Variants in FHIT observed in about 807,000 individuals in gnomAD.
The protein encoded by FHIT is fragile histidine triad diadenosine triphosphatase, also known as bis(5'-adenosyl)-triphosphatase.
Under a neutral mutation model 17.9 loss-of-function variants are expected in FHIT, and 19 were observed. The observed-to-expected ratio is 1.06, with a 90% CI of 0.74 to 1.56. The LOEUF (loss-of-function observed/expected upper bound fraction) is 1.56, where lower values mean the gene tolerates loss of function less well. Ranked by LOEUF, FHIT falls within the 40% of genes most tolerant of loss-of-function variation. The pLI is 0.00. For synonymous variants in FHIT, 81 were observed against 69.7 expected (o/e 1.16, Z -0.81); for missense variants, 248 against 189.2 (o/e 1.31, Z -1.82).
rs71627536 is a variant in FHIT at position 60,387,023 on chromosome 3, CTTT to C, written c.103+149834_103+149836del. On this transcript the variant is annotated intron_variant, in intron 5 of 9. Transcript: ENST00000492590. ...TTTGCCTAAGGAAATTCTATTTATT[CTTT>C]TTTTTTTTTGGAGTGCAACAGCGCT... 8.0e-4 allele frequency among the ~76,000 whole-genome samples: 109 copies of C among 136,416 alleles called. 1 individual carries two copies. Among genetic ancestry groups the C allele is most frequent in the Non-Finnish European group, 1.3e-3 (84 of 63,766 alleles). The allele number at this position is 136,416 out of a possible 152,430, so 89.5% of individuals were successfully genotyped here.
chr3:60,839,988 A>G (rs2736755), intron 3 of FHIT, among the ~76,000 whole-genome samples: 43,052 of 151,748 alleles, frequency 0.28, 6,510 homozygotes, highest in Middle Eastern at 0.37. Flanking sequence ...GCTGCCTCTC[A>G]GAGGGGACTT....
intron 2 of FHIT, among the ~76,000 whole-genome samples, chr3:61,117,344 G>A (rs9861349): frequency 0.25 from 37,585 of 151,968 alleles, 4,874 homozygotes; most frequent in African/African-American, 0.33. Flanking sequence ...AATAGAAAAT[G>A]GGGCATATTC....
intron 8 of FHIT, among the ~76,000 whole-genome samples, chr3:59,792,390 T>C (rs1699602256): frequency 1.3e-5 from 2 of 152,180 alleles, no homozygotes; most frequent in Admixed American, 1.3e-4. Context: ...CCAATCTATT[T>C]GGAAGGTGAG....
intron 3 of FHIT, among the ~76,000 whole-genome samples, chr3:60,916,087 T>A (rs1469500620): frequency 6.6e-6 from 1 of 152,186 alleles, no homozygotes; most frequent in Non-Finnish European, 1.5e-5. Flanking sequence ...AGACCCATTT[T>A]TGTGATGGTC....
intron 8 of FHIT, among the ~76,000 whole-genome samples, chr3:59,850,345 A>G (rs1701884552): frequency 6.6e-6 from 1 of 152,194 alleles, no homozygotes; most frequent in East Asian, 1.9e-4. Flanking sequence ...TTGCAGCTGC[A>G]TAAGTACTAT....
At chr3:61,209,740 C>A (rs1176792862) in intron 1 of FHIT, among the ~76,000 whole-genome samples, 15 of 152,090 alleles carry the variant, frequency 9.9e-5, no homozygotes, top group Non-Finnish European at 2.9e-5. Flanking sequence ...TTTTTAACTT[C>A]TTTGCCATTG....
rs540650690 is a variant in FHIT at position 60,631,003 on chromosome 3, T to C, written c.-17-94024A>G. ...AAAACACTCTCAATCTTTGCCCTCT[T>C]GGTATCAGCTTTGAGACACCTGGCC... On this transcript the variant is annotated intron_variant, in intron 4 of 9. Transcript: ENST00000492590. Among the ~76,000 whole-genome samples, 6 of 151,252 alleles carry C rather than the reference T, an allele frequency of 4.0e-5. No homozygotes were observed. In the East Asian group the frequency reaches 1.2e-3, roughly 30 times the overall value.
At chr3:61,183,199 C>T (rs1262517816) in intron 2 of FHIT, among the ~76,000 whole-genome samples, 1 of 152,184 alleles carries the variant, frequency 6.6e-6, no homozygotes, top group Non-Finnish European at 1.5e-5. Flanking sequence ...TCCTTCTCTC[C>T]AATCAGATTC....
intron 4 of FHIT, among the ~76,000 whole-genome samples, chr3:60,573,067 C>T (rs1553656276): frequency 6.6e-6 from 1 of 152,140 alleles, no homozygotes; most frequent in East Asian, 1.9e-4. Flanking sequence ...GGACCTGCAC[C>T]CAGGTCTTCC....
intron 5 of FHIT, among the ~76,000 whole-genome samples, chr3:60,342,263 C>A (rs1710557950): frequency 6.6e-6 from 1 of 152,168 alleles, no homozygotes; most frequent in South Asian, 2.1e-4. Flanking sequence ...GTTTAAGGAG[C>A]AGAGAGAGCT....
chr3:59,957,799 T>C (rs1381296897), intron 7 of FHIT, among the ~76,000 whole-genome samples: 2 of 152,220 alleles, frequency 1.3e-5, no homozygotes, highest in Non-Finnish European at 2.9e-5. Context: ...AATTTGTACA[T>C]GTTGGAACTT....
chr3:60,766,314 A>G (rs782581542), intron 4 of FHIT, among the ~76,000 whole-genome samples: 2 of 152,136 alleles, frequency 1.3e-5, no homozygotes, highest in Admixed American at 6.5e-5. Context: ...CAGCTGACTC[A>G]GGAGCACTCT....
intron 3 of FHIT, among the ~76,000 whole-genome samples, chr3:60,900,779 T>C (rs1345115782): frequency 4.6e-5 from 7 of 152,146 alleles, no homozygotes; most frequent in Non-Finnish European, 8.8e-5. Flanking sequence ...GACAAAGTAA[T>C]TTTATTTTTA....
intron 5 of FHIT, among the ~76,000 whole-genome samples, chr3:60,143,324 G>C (rs1297011835): frequency 6.6e-6 from 1 of 152,128 alleles, no homozygotes; most frequent in Non-Finnish European, 1.5e-5. Flanking sequence ...CTTAGGCCCT[G>C]ATATATGGGG....
chr3:61,046,446 GT>G (rs2033791980), intron 2 of FHIT, among the ~76,000 whole-genome samples: 1 of 152,128 alleles, frequency 6.6e-6, no homozygotes, highest in Non-Finnish European at 1.5e-5. Context: ...CCAAAAAGAA[GT>G]TGAATCTCTG....
At chr3:60,724,324 A>G (rs2041870306) in intron 4 of FHIT, among the ~76,000 whole-genome samples, 1 of 152,174 alleles carries the variant, frequency 6.6e-6, no homozygotes, top group Non-Finnish European at 1.5e-5. Flanking sequence ...ATTTATTTTT[A>G]TTGCTGAATA....
At chr3:60,314,626 A>G (rs966436787) in intron 5 of FHIT, among the ~76,000 whole-genome samples, 1 of 152,212 alleles carries the variant, frequency 6.6e-6, no homozygotes, top group Non-Finnish European at 1.5e-5. Flanking sequence ...GAGAGTAATG[A>G]GGTTGATCTG....
intron 3 of FHIT, among the ~76,000 whole-genome samples, chr3:60,905,072 A>C (rs1706334971): frequency 6.6e-6 from 1 of 152,166 alleles, no homozygotes; most frequent in Admixed American, 6.5e-5. Flanking sequence ...AATAAGAGAA[A>C]AGCAAATTAA....
chr3:60,106,318 G>T (rs1189341923), intron 5 of FHIT, among the ~76,000 whole-genome samples: 1 of 152,170 alleles, frequency 6.6e-6, no homozygotes, highest in East Asian at 1.9e-4. Flanking sequence ...GTAAAGAGAA[G>T]TCATATGCTA....
Sources: allele counts gnomAD v4.1 joint callset (sites outside exome capture counted in the v4.1 genomes callset), GRCh38; gene constraint gnomAD v4.1.1; transcripts MANE v1.5; gene names NCBI Gene and HGNC (gene_info 2026-07-23, HGNC 2026-07-21).